The following VPS37B variants were observed in gnomAD, a reference collection of about 807,000 sequenced individuals.
The protein encoded by VPS37B is vacuolar protein sorting-associated protein 37B.
VPS37B carries 11 observed loss-of-function variants against 21.2 expected under a neutral mutation model. The observed-to-expected ratio is 0.52, with a 90% CI of 0.33 to 0.86. The LOEUF is 0.86. Ranked by LOEUF, VPS37B falls within the 40% of genes least tolerant of loss-of-function variation. VPS37B has a pLI of 0.03. For missense variants in VPS37B, 389 were observed against 374.8 expected, an observed-to-expected ratio of 1.04 and a Z score of -0.31; for synonymous variants, 175 against 159.6, an observed-to-expected ratio of 1.10 and a Z score of -0.73.
intron 1 of VPS37B, chr12:122,874,947 C>CAAAAAA (rs373294425): frequency 9.6e-6 from 1 of 103,930 alleles, no homozygotes; most frequent in Non-Finnish European, 2.0e-5. Context: ...AACTCCGTCT[C>CAAAAAA]AAAAAAAAAA....
rs761087345 is a variant in VPS37B at position 122,896,108 on chromosome 12, C to A, written c.-46G>T. 4 of 1,472,666 alleles carry A rather than the reference C, an allele frequency of 2.7e-6. No individual in the cohort carries two copies. Among genetic ancestry groups the A allele is most frequent in the Non-Finnish European group, 2.7e-6 (3 of 1,117,614 alleles). 91.2% of individuals were successfully genotyped at this position (1,472,666 alleles called of 1,614,324 possible). On this transcript the variant is annotated 5_prime_UTR_variant, in exon 1 of 4. Coordinates refer to ENST00000267202, the MANE Select transcript of VPS37B (RefSeq NM_024667.3). ...CGCCACCGCCGCTGCGGCCACCAGG[C>A]TCCGCCGACCGGAAGCGCCGCCCTC...
chr12:122,873,536 T>C (rs1026776100), intron 1 of VPS37B: 11 of 152,240 alleles, frequency 7.2e-5, no homozygotes, highest in Non-Finnish European at 1.3e-4. Flanking sequence ...CGCCTGGGGT[T>C]AGGCACAGGG....
rs540609772 is a variant in VPS37B, at chr12:122,867,965, G to A, written c.367-358C>T. Among the ~76,000 whole-genome samples the A allele has an allele frequency of 9.2e-5, 14 of 152,200 alleles. No individual in the cohort carries two copies. Among genetic ancestry groups the A allele is most frequent in the African/African-American group, 2.7e-4 (11 of 41,438 alleles). On this transcript the variant is annotated intron_variant, in intron 3 of 3. Coordinates refer to ENST00000267202, the MANE Select transcript of VPS37B (RefSeq NM_024667.3). This position sits in a 1 kb window ranked among gnomAD's most constrained non-coding sequence, Gnocchi z 5.5. ...CGGCTGCACCCTGACTGACAGACTC[G>A]CCCTGGGTGGGTAAGCAAGACAGAA... is the stretch of plus-strand genomic sequence containing the variant.
rs368277672 is a variant in VPS37B, at chr12:122,872,696, G to C, written c.112-1635C>G. ...TTTAAAAGAACAAACAAAAACCACTGTATGGCCACTCTGGAAAACAGGCAC... is the reference window on the plus strand; with the variant it reads ...TTTAAAAGAACAAACAAAAACCACTCTATGGCCACTCTGGAAAACAGGCAC... On this transcript the variant is annotated intron_variant, in intron 1 of 3. Transcript: ENST00000267202. 37 of 985,018 alleles carry C rather than the reference G, an allele frequency of 3.8e-5. No individual in the cohort carries two copies. In the African/African-American group the frequency reaches 5.9e-4, roughly 16 times the overall value. 61.0% of individuals were successfully genotyped at this position (985,018 alleles called of 1,614,324 possible). A position where few individuals can be genotyped will look rare whatever the true frequency, so the allele number is the denominator to read the frequency against.
rs1469190660 is a variant in VPS37B, at chr12:122,896,104, C to T, written c.-42G>A. The T allele has an allele frequency of 1.3e-6, 2 of 1,494,958 alleles. No individual in the cohort carries two copies. Among genetic ancestry groups the T allele is most frequent in the Non-Finnish European group, 1.8e-6 (2 of 1,129,754 alleles). The allele number at this position is 1,494,958 out of a possible 1,614,324, so 92.6% of individuals were successfully genotyped here. ...TCGTCGCCACCGCCGCTGCGGCCAC[C>T]AGGCTCCGCCGACCGGAAGCGCCGC... On this transcript the variant is annotated 5_prime_UTR_variant, in exon 1 of 4. Transcript: ENST00000267202.
intron 1 of VPS37B, chr12:122,875,686 G>A (rs1007903200): frequency 1.3e-5 from 2 of 152,048 alleles, no homozygotes; most frequent in Non-Finnish European, 2.9e-5. Context: ...CTCCACAGGC[G>A]CAGCATACAC....
intron 1 of VPS37B, chr12:122,883,458 T>C (rs1593919547): frequency 6.6e-6 from 1 of 152,066 alleles, no homozygotes; most frequent in African/African-American, 2.4e-5. Flanking sequence ...CAGGAGAGGG[T>C]TTGGTTTTTC....
At chr12:122,880,297 A>T (rs988396830) in intron 1 of VPS37B, 4 of 152,216 alleles carry the variant, frequency 2.6e-5, no homozygotes, top group Non-Finnish European at 4.4e-5. Context: ...CAGTGATAAC[A>T]GTTTGGCAGT....
intron 1 of VPS37B, chr12:122,883,174 C>T (rs1488215083): frequency 1.3e-5 from 2 of 152,196 alleles, no homozygotes; most frequent in Non-Finnish European, 1.5e-5. Flanking sequence ...CTCTAACTTC[C>T]AACTATTAGA....
At chr12:122,889,149 G>A (rs2034372696) in intron 1 of VPS37B, 1 of 153,048 alleles carries the variant, frequency 6.5e-6, no homozygotes, top group Non-Finnish European at 1.5e-5. Flanking sequence ...CCCCAAGCCA[G>A]TGGGGGACAC....
At position 122,866,828 on chromosome 12, in the gene VPS37B, C is replaced by G; in HGVS notation, c.*288G>C. 2.7e-6 allele frequency: 1 copy of G among 364,428 alleles called. No homozygotes were observed. 22.6% of individuals were successfully genotyped at this position (364,428 alleles called of 1,614,324 possible). ...ATGGGACTGGGGGAGAGGCCTATTT[C>G]TTCCCAAACATGAGTTCATCAACGC... is the stretch of plus-strand genomic sequence containing the variant. On this transcript the variant is annotated 3_prime_UTR_variant, in exon 4 of 4. Coordinates refer to ENST00000267202, the MANE Select transcript of VPS37B (RefSeq NM_024667.3).
chr12:122,871,322 C>A, intron 1 of VPS37B: 1 of 1,194,684 alleles, frequency 8.4e-7, no homozygotes, highest in Non-Finnish European at 1.0e-6. Flanking sequence ...TGACTCCATG[C>A]AGAGCCTTCC....
chr12:122,885,651 TAATA>T (rs2034309936), intron 1 of VPS37B: 1 of 150,732 alleles, frequency 6.6e-6, no homozygotes, highest in Non-Finnish European at 1.5e-5. Context: ...AAATTTTCTA[TAATA>T]AACATGTAAA....
Position 122,868,437 on chromosome 12 carries a change from C to A in VPS37B, c.366+43G>T. ...CTGGAGGCAGCGGGCCCACGGACTGCCCAAAGCGCCCCAAGGATTCCACCA... is the reference window on the plus strand; with the variant it reads ...CTGGAGGCAGCGGGCCCACGGACTGACCAAAGCGCCCCAAGGATTCCACCA... On this transcript the variant is annotated intron_variant, in intron 3 of 3. Transcript: ENST00000267202. The surrounding 1 kb of genome is among the most constrained non-coding windows in gnomAD (Gnocchi z 5.5). 6.3e-7 allele frequency: 1 copy of A among 1,590,552 alleles called. No individual in the cohort carries two copies. Among genetic ancestry groups the A allele is most frequent in the Non-Finnish European group, 8.6e-7 (1 of 1,165,406 alleles).
chr12:122,895,805 G>T, intron 1 of VPS37B, 147 bp downstream of exon 1: 1 of 550,436 alleles, frequency 1.8e-6, no homozygotes, highest in Non-Finnish European at 3.0e-6. Context: ...CCTGGCTCCC[G>T]CACCCCGCCC....
In VPS37B at chr12:122,867,485, G is replaced by T. The variant is rs1374920066; in HGVS notation, c.489C>A (p.Val163=). The change falls in exon 4 of 4, where the codon GTC becomes GTA. Residue 163 remains valine (V), a synonymous_variant. Transcript: ENST00000267202. The surrounding 1 kb of genome is among the most constrained non-coding windows in gnomAD (Gnocchi z 5.5). ...CCTGTGGGAGTCTCTGCCCCTTTAGGACCATCTCCTGGAGCTTCTCGATTT... is the reference window on the plus strand; with the variant it reads ...CCTGTGGGAGTCTCTGCCCCTTTAGTACCATCTCCTGGAGCTTCTCGATTT... The part of the protein sequence containing the change: ...RVKIEKLQEM[V]LKGQRLPQAL... The T allele has an allele frequency of 1.9e-6, 3 of 1,613,910 alleles. No homozygotes were observed. The African/African-American group carries it at 4.0e-5, about 22-fold the overall frequency.
intron 2 of VPS37B, 35 bp downstream of exon 2, chr12:122,870,855 T>C (rs1270001972): frequency 3.8e-6 from 6 of 1,576,608 alleles, no homozygotes; most frequent in Non-Finnish European, 5.2e-6. Flanking sequence ...TTCTCTCAAC[T>C]CTTTATTCTC....
chr12:122,875,076 T>C (rs951145178), intron 1 of VPS37B: 6 of 151,652 alleles, frequency 4.0e-5, no homozygotes, highest in African/African-American at 1.5e-4. Context: ...TTTTTTTAAA[T>C]TGAGACAGAG....
At chr12:122,890,337 CTTTT>C (rs1169226130) in intron 1 of VPS37B, among the ~76,000 whole-genome samples, 10 of 141,328 alleles carry the variant, frequency 7.1e-5, no homozygotes, top group East Asian at 4.0e-4. Flanking sequence ...TCACACGTGG[CTTTT>C]TTTTTTTTTT....
Sources: allele counts gnomAD v4.1 joint callset (sites outside exome capture counted in the v4.1 genomes callset), GRCh38; gene constraint gnomAD v4.1.1; non-coding constraint Gnocchi (gnomAD v3.1); transcripts MANE v1.5; gene names NCBI Gene and HGNC (gene_info 2026-07-23, HGNC 2026-07-21).